The following SV2B variants were observed in gnomAD, a reference collection of about 807,000 sequenced individuals.
SV2B encodes the protein synaptic vesicle glycoprotein 2B.
SV2B carries 41 observed loss-of-function variants against 73.9 expected under a neutral mutation model. The ratio of observed to expected loss-of-function variants is 0.56; its 90% CI spans 0.43 to 0.72. The LOEUF (loss-of-function observed/expected upper bound fraction) is 0.72. SV2B is among the 30% of genes least tolerant of loss of function. The probability of loss-of-function intolerance (pLI) is 0.00; values close to 1 mark genes in which losing one functional copy is unlikely to be tolerated. For missense variants in SV2B, 764 were observed against 857.8 expected (o/e 0.89, Z 1.37); for synonymous variants, 314 against 314.2 (o/e 1.00, Z 0.01).
Position 91,236,045 on chromosome 15 carries a change from A to C in SV2B, c.451+9331A>C, listed in dbSNP as rs906579928. On this transcript the variant is annotated intron_variant, in intron 2 of 12. Coordinates refer to ENST00000394232, the MANE Select transcript of SV2B (RefSeq NM_001323032.3). The surrounding 1 kb of genome is among the most constrained non-coding windows in gnomAD (Gnocchi z 4.1). The stretch of plus-strand genomic sequence containing the variant: ...CACAGTAGGTGCTTAGTCAGTACTC[A>C]TCCTGCTCCCCTGATCCAACTGCAA... Among the ~76,000 whole-genome samples, 2 of 152,210 alleles carry C rather than the reference A, an allele frequency of 1.3e-5. No homozygotes were observed. The highest frequency in any genetic ancestry group is 4.8e-5 in the African/African-American group (2 of 41,454).
Position 91,292,573 on chromosome 15 carries a change from A to G in SV2B, c.*21A>G, listed in dbSNP as rs376379749. 13 of 1,602,926 alleles carry G rather than the reference A, an allele frequency of 8.1e-6. No individual in the cohort carries two copies. Among genetic ancestry groups the G allele is most frequent in the Non-Finnish European group, 9.4e-6 (11 of 1,175,350 alleles). On this transcript the variant is annotated 3_prime_UTR_variant, in exon 13 of 13. Transcript: ENST00000394232. ...TGTGAACAACCTATGGGAAAAGGAAAGGTCGAGAGAATCTTGTCCAGGACA... is the reference window on the plus strand; with the variant it reads ...TGTGAACAACCTATGGGAAAAGGAAGGGTCGAGAGAATCTTGTCCAGGACA...
chr15:91,157,489 A>G (rs1200425975), intron 1 of SV2B, among the ~76,000 whole-genome samples: 1 of 152,218 alleles, frequency 6.6e-6, no homozygotes, highest in Non-Finnish European at 1.5e-5. Context: ...ATCTTAAAAC[A>G]TAGCCTTCTT....
chr15:91,164,360 C>A (rs1280608252), intron 1 of SV2B, among the ~76,000 whole-genome samples: 1 of 152,194 alleles, frequency 6.6e-6, no homozygotes, highest in Admixed American at 6.5e-5. Context: ...TACTACAAGG[C>A]TACGGGACTG....
intron 1 of SV2B, among the ~76,000 whole-genome samples, chr15:91,147,644 A>C (rs2043184082): frequency 6.6e-6 from 1 of 152,184 alleles, no homozygotes; most frequent in Non-Finnish European, 1.5e-5. Context: ...CACACAAGTC[A>C]GAGACAGTTT....
At chr15:91,153,722 A>G (rs1172768392) in intron 1 of SV2B, among the ~76,000 whole-genome samples, 1 of 152,066 alleles carries the variant, frequency 6.6e-6, no homozygotes, top group Non-Finnish European at 1.5e-5. Flanking sequence ...AGGAGGGGGA[A>G]GTCAAGCTGA....
rs565555906 is a variant in SV2B at position 91,231,570 on chromosome 15, A to C, written c.451+4856A>C. ...CCTATAGGATGACAATATTGGCGACACGTAAGGCAAACCAACCCCATCCTT... is the reference window on the plus strand; with the variant it reads ...CCTATAGGATGACAATATTGGCGACCCGTAAGGCAAACCAACCCCATCCTT... On this transcript the variant is annotated intron_variant, in intron 2 of 12. Coordinates refer to ENST00000394232, the MANE Select transcript of SV2B (RefSeq NM_001323032.3). The surrounding 1 kb of genome is among the most constrained non-coding windows in gnomAD (Gnocchi z 4.5). 1.0e-3 allele frequency among the ~76,000 whole-genome samples: 156 copies of C among 152,156 alleles called. No individual in the cohort carries two copies. Among genetic ancestry groups the C allele is most frequent in the African/African-American group, 3.7e-3 (153 of 41,486 alleles).
intron 1 of SV2B, among the ~76,000 whole-genome samples, chr15:91,199,622 C>T (rs771492414): frequency 6.6e-6 from 1 of 152,142 alleles, no homozygotes; most frequent in Non-Finnish European, 1.5e-5. Flanking sequence ...TGCATTTGTT[C>T]CCAGGCCTGT....
chr15:91,188,283 TTTTA>T (rs200076814), intron 1 of SV2B, among the ~76,000 whole-genome samples: 15,584 of 143,918 alleles, frequency 0.11, 945 homozygotes, highest in African/African-American at 0.16. Context: ...TGTTCCTTAT[TTTTA>T]TTTATTTATT....
rs1289186172 is a variant in SV2B at position 91,245,480 on chromosome 15, G to T, written c.452-6339G>T. ...TGACAACAGCTGTCTCTGAGTGGTG[G>T]TATGATGAATAGATTATTGCTTTAC... is the stretch of plus-strand genomic sequence containing the variant. On this transcript the variant is annotated intron_variant, in intron 2 of 12. Coordinates refer to ENST00000394232, the MANE Select transcript of SV2B (RefSeq NM_001323032.3). This position sits in a 1 kb window ranked among gnomAD's most constrained non-coding sequence, Gnocchi z 4.2. Among the ~76,000 whole-genome samples, 1 of 152,202 alleles carries T rather than the reference G, an allele frequency of 6.6e-6. No homozygotes were observed. The highest frequency in any genetic ancestry group is 1.5e-5 in the Non-Finnish European group (1 of 68,042).
chr15:91,256,794 A>C (rs12102151), intron 4 of SV2B, among the ~76,000 whole-genome samples: 3,671 of 152,272 alleles, frequency 0.024, 95 homozygotes, highest in African/African-American at 0.063. Flanking sequence ...CCCTCTACCT[A>C]GTCTTTTAAT....
chr15:91,114,925 A>AT (rs1269351878), intron 1 of SV2B, among the ~76,000 whole-genome samples: 1 of 152,044 alleles, frequency 6.6e-6, no homozygotes, highest in Non-Finnish European at 1.5e-5. Context: ...TCCTCCAGCC[A>AT]TTTTCTAGCT....
Position 91,278,595 on chromosome 15 carries a change from C to T in SV2B, c.1374-3133C>T, listed in dbSNP as rs540971659. Among the ~76,000 whole-genome samples the T allele has an allele frequency of 3.1e-5, 4 of 129,356 alleles. No individual in the cohort carries two copies. The South Asian group carries it at 9.3e-4, about 30-fold the overall frequency. The allele number at this position is 129,356 out of a possible 152,430, so 84.9% of individuals were successfully genotyped here. A position where few individuals can be genotyped will look rare whatever the true frequency, so the allele number is the denominator to read the frequency against. The stretch of plus-strand genomic sequence containing the variant: ...TCGGGAGGCTGAGGCAGGAGAATGG[C>T]GTGAACCCGGGAAGCGGAGCTTGCA... On this transcript the variant is annotated intron_variant, in intron 9 of 12. Coordinates refer to ENST00000394232, the MANE Select transcript of SV2B (RefSeq NM_001323032.3).
chr15:91,207,982 G>A (rs1220233547), intron 1 of SV2B, among the ~76,000 whole-genome samples: 1 of 152,168 alleles, frequency 6.6e-6, no homozygotes, highest in Non-Finnish European at 1.5e-5. Context: ...GGGAAGAAGG[G>A]GCAAGTGGAA....
chr15:91,149,756 CT>C (rs1413301194), intron 1 of SV2B, among the ~76,000 whole-genome samples: 2 of 152,200 alleles, frequency 1.3e-5, no homozygotes, highest in Non-Finnish European at 2.9e-5. Context: ...AGTCATCCAG[CT>C]TCAAACATCA....
At chr15:91,233,502 G>A (rs1051115077) in intron 2 of SV2B, among the ~76,000 whole-genome samples, 1 of 152,326 alleles carries the variant, frequency 6.6e-6, no homozygotes, top group East Asian at 1.9e-4. Context: ...CATTCTGTGA[G>A]TGGCTGAATT....
chr15:91,246,065 CAAAA>C (rs5814471), intron 2 of SV2B, among the ~76,000 whole-genome samples: 9 of 127,702 alleles, frequency 7.0e-5, no homozygotes, highest in Admixed American at 1.6e-4. Context: ...TATGAGTTAG[CAAAA>C]AAAAAAAAAA....
chr15:91,110,622 G>A lies in SV2B; in HGVS notation c.-392+10259G>A, dbSNP rs2151727188. On this transcript the variant is annotated intron_variant, in intron 1 of 12. Transcript: ENST00000394232. This position sits in a 1 kb window ranked among gnomAD's most constrained non-coding sequence, Gnocchi z 5.4. ...ATGGAGCCCAGCTGGCACGTGGGAG[G>A]CTCTGCGGGAGAGGAAGAGGCACCG... Among the ~76,000 whole-genome samples, 1 of 152,336 alleles carries A rather than the reference G, an allele frequency of 6.6e-6. No individual in the cohort carries two copies. The highest frequency in any genetic ancestry group is 1.9e-4 in the East Asian group (1 of 5,184).
intron 1 of SV2B, among the ~76,000 whole-genome samples, chr15:91,159,510 G>A (rs1461930165): frequency 1.3e-5 from 2 of 152,102 alleles, no homozygotes; most frequent in African/African-American, 4.8e-5. Flanking sequence ...CTAATATTCA[G>A]CAATGATTTT....
Position 91,226,066 on chromosome 15 carries a change from A to C in SV2B, c.-198A>C. On this transcript the variant is annotated 5_prime_UTR_variant, in exon 2 of 13. Coordinates refer to ENST00000394232, the MANE Select transcript of SV2B (RefSeq NM_001323032.3). ...AGACATCGAGTGCAAAAGGATATTT[A>C]GGTTGTCTTTGCACAAATCTGGTTG... The C allele has an allele frequency of 1.7e-6, 1 of 596,808 alleles. No homozygotes were observed. Among genetic ancestry groups the C allele is most frequent in the East Asian group, 2.9e-5 (1 of 34,788 alleles). 37.0% of individuals were successfully genotyped at this position (596,808 alleles called of 1,614,324 possible). A position where few individuals can be genotyped will look rare whatever the true frequency, so the allele number is the denominator to read the frequency against.
Sources: gnomAD v4.1 joint callset for allele counts (sites outside exome capture counted in the v4.1 genomes callset) on GRCh38, gnomAD v4.1.1 for gene constraint, Gnocchi (gnomAD v3.1) non-coding constraint, MANE v1.5 for transcripts, NCBI Gene and HGNC (gene_info 2026-07-23, HGNC 2026-07-21) for gene names.